TFDP2: variants seen among roughly 807,000 people sequenced by gnomAD.
The protein encoded by TFDP2 is transcription factor Dp-2, also known as transcription factor Dp-2 (E2F dimerization partner 2).
A neutral mutation model predicts 59.3 loss-of-function variants in TFDP2; 17 were observed. The observed-to-expected ratio is 0.29, with a 90% CI of 0.20 to 0.43. TFDP2 has a LOEUF of 0.43. Among genes scored for constraint, TFDP2 ranks in the 20% least tolerant of loss-of-function variants. TFDP2 has a pLI of 1.00. For synonymous variants in TFDP2, 180 were observed against 194.7 expected, an observed-to-expected ratio of 0.92 and a Z score of 0.63; for missense variants, 391 against 528.8, an observed-to-expected ratio of 0.74 and a Z score of 2.56.
At chr3:142,032,313 A>C (rs1442732046) in intron 3 of TFDP2, among the ~76,000 whole-genome samples, 9 of 152,090 alleles carry the variant, frequency 5.9e-5, no homozygotes, top group Admixed American at 5.9e-4. Flanking sequence ...TATGTTGCCC[A>C]GGCTGAACTC....
Position 141,950,412 on chromosome 3 carries a change from T to C in TFDP2, c.*2101A>G, listed in dbSNP as rs1935818998. On this transcript the variant is annotated 3_prime_UTR_variant, in exon 13 of 13. Coordinates refer to ENST00000489671, the MANE Select transcript of TFDP2 (RefSeq NM_001178139.2). ...GGGCACCAATAAGGATAAGAGTCTT[T>C]GGCGGCTTTCTTTTTTTGAGCCCAT... The C allele has an allele frequency of 6.6e-6, 1 of 152,298 alleles. No individual in the cohort carries two copies. The highest frequency in any genetic ancestry group is 6.6e-5 in the Admixed American group (1 of 15,266). The allele number at this position is 152,298 out of a possible 1,614,324, so 9.4% of individuals were successfully genotyped here. A position where few individuals can be genotyped will look rare whatever the true frequency, so the allele number is the denominator to read the frequency against.
intron 3 of TFDP2, among the ~76,000 whole-genome samples, chr3:142,031,095 G>A (rs572249645): frequency 7.9e-5 from 12 of 152,242 alleles, no homozygotes; most frequent in African/African-American, 2.9e-4. Flanking sequence ...CAATTGTCCA[G>A]AGCTAGACAA....
At chr3:142,011,590 TAA>T (rs386398107) in intron 3 of TFDP2, among the ~76,000 whole-genome samples, 4 of 63,894 alleles carry the variant, frequency 6.3e-5, no homozygotes, top group African/African-American at 9.1e-5. Context: ...TAAAGTATAA[TAA>T]AAAAAAAAAG....
intron 3 of TFDP2, among the ~76,000 whole-genome samples, chr3:142,052,260 G>A (rs897855033): frequency 3.3e-5 from 5 of 152,138 alleles, no homozygotes; most frequent in Admixed American, 1.3e-4. Context: ...AGTATTGGCC[G>A]TGCGCGGTGG....
In TFDP2 at chr3:141,995,281, T is replaced by C. The variant is rs74457138; in HGVS notation, c.187-140A>G. On this transcript the variant is annotated intron_variant, in intron 4 of 12. Coordinates refer to ENST00000489671, the MANE Select transcript of TFDP2 (RefSeq NM_001178139.2). ...ACTTAATGTCAGTCATCTAAAAATA[T>C]AAGCAATGCCTTTGATTTACTTATA... is the stretch of plus-strand genomic sequence containing the variant. The C allele has an allele frequency of 1.4e-3, 768 of 552,148 alleles. 7 individuals carry two copies. In the African/African-American group the frequency reaches 0.014, roughly 10 times the overall value. The allele number at this position is 552,148 out of a possible 1,614,324, so 34.2% of individuals were successfully genotyped here. A position where few individuals can be genotyped will look rare whatever the true frequency, so the allele number is the denominator to read the frequency against.
chr3:142,143,033 C>G (rs910513975), intron 1 of TFDP2, among the ~76,000 whole-genome samples: 8 of 152,210 alleles, frequency 5.3e-5, no homozygotes, highest in Admixed American at 3.9e-4. Flanking sequence ...GTCAGGAGTT[C>G]AAGACCAGTC....
chr3:142,055,648 A>C (rs902880568), intron 3 of TFDP2, among the ~76,000 whole-genome samples: 1 of 152,244 alleles, frequency 6.6e-6, no homozygotes, highest in Non-Finnish European at 1.5e-5. Flanking sequence ...CATAAAGCCC[A>C]GCTTCCAATT....
intron 5 of TFDP2, 28 bp from the exon 6 acceptor site, chr3:141,993,613 A>G (rs753125790): frequency 7.6e-7 from 1 of 1,311,880 alleles, no homozygotes; most frequent in South Asian, 1.3e-5. Flanking sequence ...TAGCATAAAA[A>G]CAATACATAC....
rs180744188 is a variant in TFDP2, at chr3:141,978,235, C to T, written c.519+285G>A. 8.8e-4 allele frequency among the ~76,000 whole-genome samples: 134 copies of T among 151,538 alleles called. 2 individuals are homozygous for T. The East Asian group carries it at 0.014, about 16-fold the overall frequency. On this transcript the variant is annotated intron_variant, in intron 7 of 12. Coordinates refer to ENST00000489671, the MANE Select transcript of TFDP2 (RefSeq NM_001178139.2). ...TGGTGTGCGCCTGTAATCCCAGCTACGCGGGAGGCTGAGTCACAAGAATAG... is the reference window on the plus strand; with the variant it reads ...TGGTGTGCGCCTGTAATCCCAGCTATGCGGGAGGCTGAGTCACAAGAATAG...
chr3:142,042,305 T>C (rs538596381), intron 3 of TFDP2, among the ~76,000 whole-genome samples: 123 of 152,278 alleles, frequency 8.1e-4, no homozygotes, highest in Non-Finnish European at 9.9e-4. Context: ...GTTTCTTTTT[T>C]TTTTTGAGAT....
intron 2 of TFDP2, among the ~76,000 whole-genome samples, chr3:142,094,555 G>A (rs1046736616): frequency 3.3e-5 from 5 of 151,628 alleles, no homozygotes; most frequent in East Asian, 1.9e-4. Context: ...TCTGCCCACC[G>A]TAGCTTCCCA....
chr3:142,141,457 C>T (rs1280455335), intron 1 of TFDP2, among the ~76,000 whole-genome samples: 1 of 152,200 alleles, frequency 6.6e-6, no homozygotes, highest in African/African-American at 2.4e-5. Context: ...GCATCAATCA[C>T]GCTGGGAGCT....
intron 3 of TFDP2, among the ~76,000 whole-genome samples, chr3:142,026,392 G>C (rs1017041674): frequency 2.6e-5 from 4 of 152,064 alleles, no homozygotes; most frequent in African/African-American, 9.7e-5. Flanking sequence ...ACAGCAAGAG[G>C]AATTTTTAAT....
chr3:141,993,316 A>G (rs1942968690), intron 6 of TFDP2, among the ~76,000 whole-genome samples: 1 of 152,260 alleles, frequency 6.6e-6, no homozygotes, highest in African/African-American at 2.4e-5. Flanking sequence ...ACTAAAGGAC[A>G]TACTACCAAT....
intron 4 of TFDP2, among the ~76,000 whole-genome samples, chr3:142,002,869 T>C (rs1347150743): frequency 6.6e-6 from 1 of 152,190 alleles, no homozygotes; most frequent in East Asian, 1.9e-4. Flanking sequence ...GTATTTCTTA[T>C]AGTTCTGGTG....
At chr3:141,982,104 G>T (rs1023401883) in intron 6 of TFDP2, among the ~76,000 whole-genome samples, 3 of 152,038 alleles carry the variant, frequency 2.0e-5, no homozygotes, top group African/African-American at 7.2e-5. Flanking sequence ...GAGATATGTC[G>T]TAAGTTTAAC....
At chr3:142,120,235 G>A (rs1279769773) in intron 1 of TFDP2, among the ~76,000 whole-genome samples, 1 of 151,538 alleles carries the variant, frequency 6.6e-6, no homozygotes, top group African/African-American at 2.4e-5. Flanking sequence ...GGTGGTGGGC[G>A]CCTGTAGTCC....
chr3:142,118,894 C>T (rs968927960), intron 1 of TFDP2, among the ~76,000 whole-genome samples: 4 of 152,194 alleles, frequency 2.6e-5, no homozygotes, highest in Non-Finnish European at 5.9e-5. Context: ...GGTGCAGTGG[C>T]TCACGCCTGT....
At chr3:141,966,314 A>T (rs1286024918) in intron 9 of TFDP2, among the ~76,000 whole-genome samples, 1 of 151,788 alleles carries the variant, frequency 6.6e-6, no homozygotes, top group Non-Finnish European at 1.5e-5. Context: ...CCGGGACTAC[A>T]GGCACCCGCC....
Sources: allele counts gnomAD v4.1 joint callset (sites outside exome capture counted in the v4.1 genomes callset), GRCh38; gene constraint gnomAD v4.1.1; transcripts MANE v1.5; gene names NCBI Gene and HGNC (gene_info 2026-07-23, HGNC 2026-07-21).